The following ESR1 variants were observed in gnomAD, a reference collection of about 807,000 sequenced individuals.
The protein encoded by ESR1 is estrogen receptor 1.
A neutral mutation model predicts 52.7 loss-of-function variants in ESR1; 12 were observed. That is an observed-to-expected ratio of 0.23 (90% CI 0.15 to 0.37). ESR1 has a LOEUF of 0.37. ESR1 is among the 10% of genes least tolerant of loss of function. The pLI, the probability that ESR1 is intolerant of heterozygous loss-of-function variation, is 1.00. For missense variants in ESR1, 584 were observed against 779.7 expected (o/e 0.75, Z 2.99); for synonymous variants, 305 against 316.8 (o/e 0.96, Z 0.39).
chr6:151,791,255 G>T lies in ESR1; in HGVS notation c.-70-16588G>T, dbSNP rs1260989758. Reference sequence around the variant, plus strand: ...CCATAATTCCCACGTGTCATGGGAGGGATCCAGTCGGAGGTAATTGAATCA... The same window carrying T: ...CCATAATTCCCACGTGTCATGGGAGTGATCCAGTCGGAGGTAATTGAATCA... On this transcript the variant is annotated intron_variant, in intron 2 of 2. Coordinates refer to the ESR1 transcript ENST00000404742. 2.0e-5 allele frequency among the ~76,000 whole-genome samples: 3 copies of T among 152,092 alleles called. No homozygotes were observed. The East Asian group carries it at 5.8e-4, about 29-fold the overall frequency.
chr6:152,089,661 C>A (rs924548761), intron 6 of ESR1, among the ~76,000 whole-genome samples: 103 of 152,142 alleles, frequency 6.8e-4, no homozygotes, highest in Admixed American at 6.6e-3. Flanking sequence ...TCACTGCAAC[C>A]TCCACCTCCC....
intron 2 of ESR1, among the ~76,000 whole-genome samples, chr6:151,705,962 A>G (rs1404616492): frequency 6.6e-6 from 1 of 152,180 alleles, no homozygotes; most frequent in Non-Finnish European, 1.5e-5. Context: ...CTAGTTTTCT[A>G]TGTGTCATAT....
At position 151,845,135 on chromosome 6, in the gene ESR1, T is replaced by A. The variant is rs556252265; in HGVS notation, c.643+2348T>A. On this transcript the variant is annotated intron_variant, in intron 2 of 7. Coordinates refer to ENST00000206249, the MANE Select transcript of ESR1 (RefSeq NM_000125.4). ...TAAATTCCCATAACATTTAGTATTGTCTCTAAGCATTAAGAACAGAAAAAA... is the reference window on the plus strand; with the variant it reads ...TAAATTCCCATAACATTTAGTATTGACTCTAAGCATTAAGAACAGAAAAAA... Among the ~76,000 whole-genome samples the A allele has an allele frequency of 2.6e-5, 4 of 152,218 alleles. No homozygotes were observed. The South Asian group carries it at 8.3e-4, about 32-fold the overall frequency.
At chr6:151,810,163 A>G (rs1207139467) in intron 1 of ESR1, among the ~76,000 whole-genome samples, 1 of 152,162 alleles carries the variant, frequency 6.6e-6, no homozygotes, top group African/African-American at 2.4e-5. Context: ...CTTATTCAAA[A>G]TTGTTCATCA....
chr6:151,810,043 TA>T (rs1333182659), intron 1 of ESR1, among the ~76,000 whole-genome samples: 1 of 152,158 alleles, frequency 6.6e-6, no homozygotes, highest in East Asian at 1.9e-4. Context: ...TATTGCAAAT[TA>T]ATGCTGCTGA....
chr6:152,121,994 C>G (rs2051496024), intron 6 of ESR1: 1 of 213,478 alleles, frequency 4.7e-6, no homozygotes, highest in Non-Finnish European at 9.6e-6. Context: ...TCTAAAATCT[C>G]TTCAGCACTG....
Position 152,076,338 on chromosome 6 carries a change from C to A in ESR1, c.1369+15214C>A, listed in dbSNP as rs541926164. Reference sequence around the variant, plus strand: ...GTAAGAAGTGCCTTTCGCCTCCCACCATGATTCTGAATTCTGAACCCTCCC... The same window carrying A: ...GTAAGAAGTGCCTTTCGCCTCCCACAATGATTCTGAATTCTGAACCCTCCC... On this transcript the variant is annotated intron_variant, in intron 6 of 7. Transcript: ENST00000206249. Among the ~76,000 whole-genome samples the A allele has an allele frequency of 1.1e-4, 16 of 152,288 alleles. No individual in the cohort carries two copies. The East Asian group carries it at 3.1e-3, about 29-fold the overall frequency.
chr6:152,015,589 G>T, intron 5 of ESR1, among the ~76,000 whole-genome samples: 1 of 152,056 alleles, frequency 6.6e-6, no homozygotes, highest in Non-Finnish European at 1.5e-5. Flanking sequence ...AATTGCACTG[G>T]CCAAGGTCAC....
intron 5 of ESR1, among the ~76,000 whole-genome samples, chr6:152,038,106 G>A (rs2045468282): frequency 6.6e-6 from 1 of 152,142 alleles, no homozygotes; most frequent in East Asian, 1.9e-4. Flanking sequence ...AAAGGCCCAA[G>A]AGCCCCTGGC....
intron 6 of ESR1, among the ~76,000 whole-genome samples, chr6:152,071,567 A>G (rs2128987323): frequency 1.3e-5 from 2 of 152,356 alleles, no homozygotes; most frequent in Admixed American, 1.3e-4. Context: ...GTTAGCTCTT[A>G]GAACAATACC....
intron 2 of ESR1, among the ~76,000 whole-genome samples, chr6:151,782,688 C>G (rs1786661340): frequency 6.6e-6 from 1 of 152,188 alleles, no homozygotes; most frequent in Admixed American, 6.5e-5. Context: ...TTCTATAAAT[C>G]AAGCTACCCT....
At chr6:151,859,240 A>G (rs1788447807) in intron 2 of ESR1, among the ~76,000 whole-genome samples, 1 of 152,200 alleles carries the variant, frequency 6.6e-6, no homozygotes, top group Non-Finnish European at 1.5e-5. Flanking sequence ...TGTAACATGT[A>G]GCTAATAAAA....
chr6:151,855,877 T>C (rs546126114), intron 2 of ESR1, among the ~76,000 whole-genome samples: 1 of 152,254 alleles, frequency 6.6e-6, no homozygotes, highest in Admixed American at 6.5e-5. Flanking sequence ...ATGAAGAGAG[T>C]TCTACTTAAT....
At chr6:151,833,954 T>C (rs1183700664) in intron 1 of ESR1, among the ~76,000 whole-genome samples, 3 of 152,070 alleles carry the variant, frequency 2.0e-5, no homozygotes, top group African/African-American at 7.2e-5. Flanking sequence ...AAAAATCTCA[T>C]CATCACTGGC....
intron 4 of ESR1, among the ~76,000 whole-genome samples, chr6:151,989,882 T>A (rs1025495239): frequency 2.6e-5 from 4 of 152,090 alleles, no homozygotes; most frequent in Non-Finnish European, 5.9e-5. Flanking sequence ...ATGTACATTT[T>A]TTTCTGTGTT....
At chr6:151,727,254 T>G (rs1187944060) in intron 2 of ESR1, among the ~76,000 whole-genome samples, 2 of 151,840 alleles carry the variant, frequency 1.3e-5, no homozygotes, top group Non-Finnish European at 2.9e-5. Flanking sequence ...CAGGCTGGAG[T>G]GCAGTGGTGC....
At chr6:151,938,986 A>G (rs2034706993) in intron 3 of ESR1, among the ~76,000 whole-genome samples, 1 of 152,190 alleles carries the variant, frequency 6.6e-6, no homozygotes, top group Admixed American at 6.5e-5. Context: ...AAGTGGTTCA[A>G]AGAAATTTGC....
intron 2 of ESR1, among the ~76,000 whole-genome samples, chr6:151,773,823 A>G (rs541819751): frequency 1.3e-5 from 2 of 152,264 alleles, no homozygotes; most frequent in African/African-American, 4.8e-5. Context: ...GTGGCAAAGG[A>G]TTGGGATGTG....
At chr6:152,055,461 G>C (rs2047021777) in intron 5 of ESR1, among the ~76,000 whole-genome samples, 1 of 152,162 alleles carries the variant, frequency 6.6e-6, no homozygotes, top group African/African-American at 2.4e-5. Context: ...CCCTTCTGCT[G>C]TCACCCTTTG....
Sources: allele counts gnomAD v4.1 joint callset (sites outside exome capture counted in the v4.1 genomes callset), GRCh38; gene constraint gnomAD v4.1.1; transcripts MANE v1.5; gene names NCBI Gene and HGNC (gene_info 2026-07-23, HGNC 2026-07-21).